Variants in STK32A observed in about 807,000 individuals in gnomAD.
STK32A encodes the protein serine/threonine kinase 32A, also known as serine/threonine-protein kinase 32A.
STK32A carries 41 observed loss-of-function variants against 53.2 expected under a neutral mutation model. That is an observed-to-expected ratio of 0.77 (90% CI 0.60 to 1.00). The LOEUF (loss-of-function observed/expected upper bound fraction) is 1.00, where lower values mean the gene tolerates loss of function less well. Among genes scored for constraint, STK32A ranks in the 50% least tolerant of loss-of-function variants. STK32A has a pLI of 0.00. For missense variants in STK32A, 458 were observed against 485.8 expected (o/e 0.94, Z 0.54); for synonymous variants, 166 against 162.8 (o/e 1.02, Z -0.15).
At chr5:147,321,456 C>A (rs1269627113) in intron 4 of STK32A, among the ~76,000 whole-genome samples, 1 of 152,166 alleles carries the variant, frequency 6.6e-6, no homozygotes, top group Non-Finnish European at 1.5e-5. Flanking sequence ...TTTTTAAGAG[C>A]CAAACGTGCC....
At chr5:147,400,211 T>G in the STK32A span, among the ~76,000 whole-genome samples, 18 of 152,344 alleles carry the variant, frequency 1.2e-4, 1 homozygote, top group Admixed American at 7.8e-4. Flanking sequence ...ACAGGCCACT[T>G]GCCAGAAGAC....
At chr5:147,273,560 A>T (rs1755135809) in intron 2 of STK32A, among the ~76,000 whole-genome samples, 1 of 152,210 alleles carries the variant, frequency 6.6e-6, no homozygotes, top group African/African-American at 2.4e-5. Flanking sequence ...AGTTGGTCTT[A>T]ACTTTCCATG....
chr5:147,275,535 G>A (rs1197963590), intron 2 of STK32A, among the ~76,000 whole-genome samples: 1 of 152,112 alleles, frequency 6.6e-6, no homozygotes, highest in African/African-American at 2.4e-5. Context: ...CATTACCCAA[G>A]CTAGTCTTGA....
intron 5 of STK32A, among the ~76,000 whole-genome samples, chr5:147,329,811 G>C (rs1288474864): frequency 6.6e-6 from 1 of 152,148 alleles, no homozygotes; most frequent in East Asian, 1.9e-4. Context: ...TTAATCTCCA[G>C]CAACTTGCAC....
In STK32A at chr5:147,373,149, T is replaced by G; in HGVS notation, c.778-20T>G. ...CTTCTATCCTTTCTTATGGCCTTGA[T>G]GTTTGCATTTTATTGGCAGCTACTC... On this transcript the variant is annotated intron_variant, in intron 9 of 12. Transcript: ENST00000397936. 1.2e-6 allele frequency: 2 copies of G among 1,612,754 alleles called. No individual in the cohort carries two copies. The highest frequency in any genetic ancestry group is 1.1e-5 in the South Asian group (1 of 91,036).
At chr5:147,269,273 T>C (rs1754932720) in intron 2 of STK32A, among the ~76,000 whole-genome samples, 1 of 152,210 alleles carries the variant, frequency 6.6e-6, no homozygotes, top group Non-Finnish European at 1.5e-5. Flanking sequence ...GTAGGACCCC[T>C]GAAGGCAGGC....
chr5:147,287,822 A>T (rs1373000485), intron 4 of STK32A, among the ~76,000 whole-genome samples: 1 of 151,156 alleles, frequency 6.6e-6, no homozygotes, highest in Non-Finnish European at 1.5e-5. Flanking sequence ...GTTCAAAGTC[A>T]CATTTTTCTT....
At chr5:147,300,800 C>A (rs954393086) in intron 4 of STK32A, among the ~76,000 whole-genome samples, 1 of 152,122 alleles carries the variant, frequency 6.6e-6, no homozygotes, top group Non-Finnish European at 1.5e-5. Flanking sequence ...AGTTTCCTCA[C>A]CTGTAATTAG....
chr5:147,355,669 T>C (rs1050369787), intron 7 of STK32A, among the ~76,000 whole-genome samples: 1 of 151,706 alleles, frequency 6.6e-6, no homozygotes, highest in Admixed American at 6.6e-5. Context: ...CAGAGCGAGA[T>C]TCCGTCTCAA....
At chr5:147,400,876 G>A in the STK32A span, 1 of 1,597,918 alleles carries the variant, frequency 6.3e-7, no homozygotes, top group African/African-American at 1.3e-5. Context: ...GGAGATGGCT[G>A]GAGGCACACT....
chr5:147,277,565 A>G (rs1014164013), intron 2 of STK32A, among the ~76,000 whole-genome samples: 1 of 152,142 alleles, frequency 6.6e-6, no homozygotes, highest in African/African-American at 2.4e-5. Flanking sequence ...ATATTTTCCT[A>G]CTTGGGAAAA....
intron 4 of STK32A, among the ~76,000 whole-genome samples, chr5:147,297,996 C>T (rs978274930): frequency 8.3e-6 from 1 of 119,806 alleles, no homozygotes; most frequent in African/African-American, 3.2e-5. Context: ...AAAAAAAATA[C>T]TATCTGATGT....
At chr5:147,260,672 A>G (rs1177592115) in intron 2 of STK32A, among the ~76,000 whole-genome samples, 1 of 151,862 alleles carries the variant, frequency 6.6e-6, no homozygotes, top group African/African-American at 2.4e-5. Context: ...CCCCACTCTG[A>G]TGGTCCTTTA....
chr5:147,353,515 A>G (rs1756081389), intron 7 of STK32A, among the ~76,000 whole-genome samples: 1 of 152,150 alleles, frequency 6.6e-6, no homozygotes, highest in African/African-American at 2.4e-5. Flanking sequence ...TAATCCCAGC[A>G]CTTTGGGAGA....
intron 4 of STK32A, among the ~76,000 whole-genome samples, chr5:147,292,004 G>A (rs772230488): frequency 2.0e-5 from 3 of 152,138 alleles, no homozygotes; most frequent in Non-Finnish European, 4.4e-5. Flanking sequence ...AGATATTGAA[G>A]CCAATAATTC....
At chr5:147,366,435 A>G (rs13436439) in intron 8 of STK32A, among the ~76,000 whole-genome samples, 5,979 of 152,272 alleles carry the variant, frequency 0.039, 365 homozygotes, top group African/African-American at 0.14. Flanking sequence ...GAAAGGACAC[A>G]CTATTAAACT....
At chr5:147,260,683 C>T (rs1456922172) in intron 2 of STK32A, among the ~76,000 whole-genome samples, 1 of 152,142 alleles carries the variant, frequency 6.6e-6, no homozygotes, top group African/African-American at 2.4e-5. Context: ...TGGTCCTTTA[C>T]ACACTTCCCA....
chr5:147,356,062 C>T (rs1756224552), intron 7 of STK32A, among the ~76,000 whole-genome samples: 2 of 151,938 alleles, frequency 1.3e-5, no homozygotes, highest in African/African-American at 4.8e-5. Context: ...ATTAAACTCT[C>T]AACCCCATAA....
At chr5:147,313,516 C>G (rs958731134) in intron 4 of STK32A, among the ~76,000 whole-genome samples, 1 of 152,132 alleles carries the variant, frequency 6.6e-6, no homozygotes, top group Admixed American at 6.5e-5. Flanking sequence ...CTATACAATC[C>G]CCATCAAAAT....
Sources: gnomAD v4.1 joint callset for allele counts (sites outside exome capture counted in the v4.1 genomes callset) on GRCh38, gnomAD v4.1.1 for gene constraint, MANE v1.5 for transcripts, NCBI Gene and HGNC (gene_info 2026-07-23, HGNC 2026-07-21) for gene names.